SPAG16: variants seen among roughly 807,000 people sequenced by gnomAD.
SPAG16 encodes sperm associated antigen 16.
A neutral mutation model predicts 80.4 loss-of-function variants in SPAG16; 86 were observed. That is an observed-to-expected ratio of 1.07 (90% confidence interval 0.90 to 1.28). The LOEUF (loss-of-function observed/expected upper bound fraction) is 1.28, where lower values mean the gene tolerates loss of function less well. Among genes scored for constraint, SPAG16 ranks in the 50% most tolerant of loss-of-function variants. SPAG16 has a pLI of 0.00. For missense variants in SPAG16, 870 were observed against 765.3 expected, an observed-to-expected ratio of 1.14 and a Z score of -1.61; for synonymous variants, 294 against 265.9, an observed-to-expected ratio of 1.11 and a Z score of -1.03.
Position 213,425,505 on chromosome 2 carries a change from AAC to A in SPAG16, c.942+50387_942+50388del, listed in dbSNP as rs1449186567. Among the ~76,000 whole-genome samples, 3 of 151,900 alleles carry A rather than the reference AAC, an allele frequency of 2.0e-5. No homozygotes were observed. In the East Asian group the frequency reaches 5.8e-4, roughly 29 times the overall value. ...TCTCTACTAAAAATACAAAAAAATT[AAC>A]TGGGTGTGGTGGCATGTGCCTGTAA... On this transcript the variant is annotated intron_variant, in intron 9 of 15. Transcript: ENST00000331683.
intron 12 of SPAG16, among the ~76,000 whole-genome samples, chr2:214,001,153 T>C (rs973621285): frequency 9.9e-5 from 15 of 152,246 alleles, no homozygotes; most frequent in Non-Finnish European, 2.1e-4. Context: ...AAGAGGTTTT[T>C]GAATTTAGAG....
chr2:213,569,957 G>C (rs797017777), intron 10 of SPAG16, among the ~76,000 whole-genome samples: 1,081 of 69,954 alleles, frequency 0.015, no homozygotes, highest in Middle Eastern at 0.058. Flanking sequence ...TCCTGGTTTA[G>C]TCTTGGGAGA....
At chr2:213,358,956 T>C (rs192122097) in intron 7 of SPAG16, among the ~76,000 whole-genome samples, 2 of 152,298 alleles carry the variant, frequency 1.3e-5, no homozygotes, top group East Asian at 3.9e-4. Flanking sequence ...GTGGGTGTCC[T>C]TTTTTTGAAG....
chr2:214,404,544 A>T (rs1701889779), intron 15 of SPAG16, among the ~76,000 whole-genome samples: 1 of 152,204 alleles, frequency 6.6e-6, no homozygotes, highest in Non-Finnish European at 1.5e-5. Flanking sequence ...TAAAAGTAAA[A>T]ATATGAAAAT....
chr2:214,074,856 A>G (rs74954637), intron 13 of SPAG16, among the ~76,000 whole-genome samples: 4,138 of 152,270 alleles, frequency 0.027, 65 homozygotes, highest in Middle Eastern at 0.051. Flanking sequence ...AACGCAATAA[A>G]ATGCCCCAAA....
chr2:213,864,176 C>T (rs2075595555), intron 11 of SPAG16, among the ~76,000 whole-genome samples: 1 of 151,886 alleles, frequency 6.6e-6, no homozygotes, highest in Admixed American at 6.6e-5. Context: ...TTTTATAATC[C>T]TTGTATGCAA....
At chr2:213,326,665 C>T (rs576060546) in intron 5 of SPAG16, among the ~76,000 whole-genome samples, 2 of 151,884 alleles carry the variant, frequency 1.3e-5, no homozygotes, top group East Asian at 3.9e-4. Context: ...CTACTATTAT[C>T]AGAAATTACT....
chr2:213,305,353 C>T (rs1249063748), intron 3 of SPAG16, among the ~76,000 whole-genome samples: 1 of 152,102 alleles, frequency 6.6e-6, no homozygotes, highest in East Asian at 1.9e-4. Context: ...TTATTTCCTT[C>T]CCTTGTCAGA....
intron 15 of SPAG16, among the ~76,000 whole-genome samples, chr2:214,235,423 T>C (rs920589334): frequency 2.4e-4 from 37 of 152,294 alleles, no homozygotes; most frequent in African/African-American, 8.9e-4. Flanking sequence ...TGATATTTAA[T>C]AGAAGGTAAA....
chr2:213,892,724 T>G (rs2076833783), intron 11 of SPAG16, among the ~76,000 whole-genome samples: 1 of 151,988 alleles, frequency 6.6e-6, no homozygotes, highest in African/African-American at 2.4e-5. Flanking sequence ...AAAGAGTCAG[T>G]GGACTCAAAC....
At chr2:213,342,610 A>G (rs2064757596) in intron 6 of SPAG16, among the ~76,000 whole-genome samples, 1 of 151,962 alleles carries the variant, frequency 6.6e-6, no homozygotes. Flanking sequence ...ATAGAAAATA[A>G]AAAGCTCTGT....
chr2:213,592,860 G>A (rs1257019316), intron 10 of SPAG16, among the ~76,000 whole-genome samples: 1 of 152,088 alleles, frequency 6.6e-6, no homozygotes, highest in African/African-American at 2.4e-5. Flanking sequence ...ATTCTGCACT[G>A]GCAGAAACCG....
intron 7 of SPAG16, among the ~76,000 whole-genome samples, chr2:213,361,669 A>T (rs1317231210): frequency 7.2e-6 from 1 of 139,328 alleles, no homozygotes; most frequent in Non-Finnish European, 1.7e-5. Flanking sequence ...AACAGAAAAG[A>T]AAAAAAAACT....
At chr2:213,830,464 C>A (rs1475663993) in intron 10 of SPAG16, among the ~76,000 whole-genome samples, 2 of 152,032 alleles carry the variant, frequency 1.3e-5, no homozygotes, top group Non-Finnish European at 2.9e-5. Context: ...CTGTAATTTC[C>A]CACCTGATTT....
intron 10 of SPAG16, among the ~76,000 whole-genome samples, chr2:213,828,959 T>C (rs2073461172): frequency 6.6e-6 from 1 of 152,178 alleles, no homozygotes; most frequent in Non-Finnish European, 1.5e-5. Flanking sequence ...CTACCACCAC[T>C]GAGACTGCAC....
At chr2:213,926,384 C>T (rs552701468) in intron 11 of SPAG16, among the ~76,000 whole-genome samples, 1 of 152,166 alleles carries the variant, frequency 6.6e-6, no homozygotes, top group East Asian at 1.9e-4. Flanking sequence ...TTACCCCTCG[C>T]CCCACTTCCA....
chr2:214,278,190 G>A (rs1692620975), intron 15 of SPAG16, among the ~76,000 whole-genome samples: 1 of 152,136 alleles, frequency 6.6e-6, no homozygotes, highest in Admixed American at 6.5e-5. Flanking sequence ...TATTTAGGCG[G>A]GAGTGCCCCA....
chr2:213,419,029 G>A (rs1179598957), intron 9 of SPAG16, among the ~76,000 whole-genome samples: 1 of 103,904 alleles, frequency 9.6e-6, no homozygotes, highest in Non-Finnish European at 2.6e-5. Flanking sequence ...TGCTACAGGA[G>A]TAGTATGGTA....
intron 10 of SPAG16, among the ~76,000 whole-genome samples, chr2:213,735,712 G>C (rs539384426): frequency 1.3e-5 from 2 of 152,218 alleles, no homozygotes; most frequent in Non-Finnish European, 2.9e-5. Context: ...AGGGGAATGG[G>C]TGGGAAATAT....
Sources: gnomAD v4.1 joint callset for allele counts (sites outside exome capture counted in the v4.1 genomes callset) on GRCh38, gnomAD v4.1.1 for gene constraint, MANE v1.5 for transcripts, NCBI Gene and HGNC (gene_info 2026-07-23, HGNC 2026-07-21) for gene names.